The following PUS7L variants were observed in gnomAD, a reference collection of about 807,000 sequenced individuals.
PUS7L encodes the protein pseudouridylate synthase PUS7L.
A neutral mutation model predicts 51.1 loss-of-function variants in PUS7L; 49 were observed. The ratio of observed to expected loss-of-function variants is 0.96; its 90% CI spans 0.76 to 1.22. The LOEUF (loss-of-function observed/expected upper bound fraction) is 1.22, where lower values mean the gene tolerates loss of function less well. Among genes scored for constraint, PUS7L ranks in the 50% most tolerant of loss-of-function variants. The pLI is 0.00. For missense variants in PUS7L, 828 were observed against 820.6 expected, an observed-to-expected ratio of 1.01 and a Z score of -0.11; for synonymous variants, 277 against 276.2, an observed-to-expected ratio of 1.00 and a Z score of -0.03.
At chr12:43,746,013 C>T in intron 4 of PUS7L, 33 bp downstream of exon 4, 3 of 992,566 alleles carry the variant, frequency 3.0e-6, no homozygotes, top group Non-Finnish European at 4.6e-6. Context: ...ATGAAGATTT[C>T]CCTGGATGCC....
In PUS7L at chr12:43,719,982, T is replaced by C. The variant is rs1360470377; in HGVS notation, c.*10394A>G. ...TAAGTTATCCTTTCCTTCTTTCTTT[T>C]GATGTTCTACTTGATGTCATTTTCC... On this transcript the variant is annotated 3_prime_UTR_variant, in exon 9 of 9. Transcript: ENST00000344862. 3.3e-5 allele frequency: 5 copies of C among 152,190 alleles called. No homozygotes were observed. The highest frequency in any genetic ancestry group is 1.2e-4 in the African/African-American group (5 of 41,452). The allele number at this position is 152,190 out of a possible 1,614,324, so 9.4% of individuals were successfully genotyped here. A position where few individuals can be genotyped will look rare whatever the true frequency, so the allele number is the denominator to read the frequency against.
At chr12:43,747,500 C>T (rs1938225947) in intron 3 of PUS7L, among the ~76,000 whole-genome samples, 1 of 151,912 alleles carries the variant, frequency 6.6e-6, no homozygotes, top group African/African-American at 2.4e-5. Context: ...TCGAGACCAG[C>T]CTGGCCAACA....
chr12:43,722,782 T>C lies in PUS7L; in HGVS notation c.*7594A>G, dbSNP rs1944412439. ...ATCAGCTCAGATTAAAACCCTATTG[T>C]ACTGAAAAACTCAGAATCCTGACTT... On this transcript the variant is annotated 3_prime_UTR_variant, in exon 9 of 9. Coordinates refer to ENST00000344862, the MANE Select transcript of PUS7L (RefSeq NM_031292.5). The C allele has an allele frequency of 6.6e-6, 1 of 152,102 alleles. No homozygotes were observed. The highest frequency in any genetic ancestry group is 2.4e-5 in the African/African-American group (1 of 41,448). 9.4% of individuals were successfully genotyped at this position (152,102 alleles called of 1,614,324 possible). A position where few individuals can be genotyped will look rare whatever the true frequency, so the allele number is the denominator to read the frequency against.
chr12:43,730,601 C>T lies in PUS7L; in HGVS notation c.1881G>A (p.Arg627=). ...TCAGTTTCAGAGTAGGTACTTTAAA[C>T]CTACATGTCTGTAGTCCATCTCTGC... is the stretch of plus-strand genomic sequence containing the variant. ...ILSRDGLQTC[R]FKVPTLKLNI... is the part of the protein sequence containing the mutation. The change falls in exon 9 of 9, where the codon AGG becomes AGA. Residue 627 remains arginine (R), a synonymous_variant. Coordinates refer to ENST00000344862, the MANE Select transcript of PUS7L (RefSeq NM_031292.5). 1.2e-6 allele frequency: 2 copies of T among 1,613,588 alleles called. No individual in the cohort carries two copies. Among genetic ancestry groups the T allele is most frequent in the Non-Finnish European group, 1.7e-6 (2 of 1,179,636 alleles).
intron 8 of PUS7L, 49 bp downstream of exon 8, chr12:43,731,656 C>T (rs1250243326): frequency 9.5e-7 from 1 of 1,055,568 alleles, no homozygotes; most frequent in East Asian, 2.5e-5. Context: ...TTTTTGGGGA[C>T]AATGTCTACA....
At chr12:43,742,429 A>G (rs535768083) in intron 5 of PUS7L, 28 bp downstream of exon 5, 3 of 1,487,224 alleles carry the variant, frequency 2.0e-6, no homozygotes, top group Non-Finnish European at 1.9e-6. Flanking sequence ...ACAGAAACAG[A>G]TAAGATTACA....
intron 4 of PUS7L, among the ~76,000 whole-genome samples, chr12:43,745,318 C>T (rs1357634282): frequency 6.6e-6 from 1 of 152,090 alleles, no homozygotes; most frequent in African/African-American, 2.4e-5. Context: ...GGCTGTGTCC[C>T]CACCCAAATC....
At position 43,748,616 on chromosome 12, in the gene PUS7L, C is replaced by CA. The variant is rs750552126; in HGVS notation, c.911-8dup. The CA allele has an allele frequency of 0.011, 14,293 of 1,304,326 alleles. 2 individuals are homozygous for CA. The highest frequency in any genetic ancestry group is 0.024 in the South Asian group (1,587 of 66,576). 80.8% of individuals were successfully genotyped at this position (1,304,326 alleles called of 1,614,324 possible). On this transcript the variant is annotated splice_region_variant and splice_polypyrimidine_tract_variant and intron_variant, in intron 2 of 8. Coordinates refer to ENST00000344862, the MANE Select transcript of PUS7L (RefSeq NM_031292.5). The stretch of plus-strand genomic sequence containing the variant: ...TCCTTTCGTAGGGTAAAAGCTGAAA[C>CA]AAAAAAAAAACTTAGATCACAAAAA...
chr12:43,730,729 T>A (rs975581534), intron 8 of PUS7L, 27 bp from the exon 9 acceptor site: 6 of 1,451,026 alleles, frequency 4.1e-6, no homozygotes, highest in African/African-American at 1.4e-5. Context: ...GGAAAAAATA[T>A]GAAAATAGCC....
At chr12:43,752,687 CAT>C (rs1217484223) in intron 2 of PUS7L, among the ~76,000 whole-genome samples, 1 of 152,020 alleles carries the variant, frequency 6.6e-6, no homozygotes, top group African/African-American at 2.4e-5. Context: ...TTGTCTAATC[CAT>C]AGAGACAGAA....
Position 43,754,959 on chromosome 12 carries a change from T to C in PUS7L, c.287A>G (p.Asp96Gly). 6.2e-7 allele frequency: 1 copy of C among 1,613,856 alleles called. No homozygotes were observed. The highest frequency in any genetic ancestry group is 8.5e-7 in the Non-Finnish European group (1 of 1,179,822). The change falls in exon 2 of 9, where the codon GAT becomes GGT. Residue 96 changes from aspartate (D) to glycine (G), a missense_variant. By Grantham distance (94) the Asp-to-Gly change is moderately conservative. Coordinates refer to ENST00000344862, the MANE Select transcript of PUS7L (RefSeq NM_031292.5). ...ACCAGACTGATGATTTTGGTCACCA[T>C]CAGTGTACTTAATCAAAGTATGAAC... is the stretch of plus-strand genomic sequence containing the variant. ...QEVHTLIKYT[D>G]GDQNHQSGSE...
chr12:43,736,460 G>A lies in PUS7L; in HGVS notation c.1646C>T (p.Thr549Ile). Residue 549 changes from threonine to isoleucine, a missense_variant, in exon 7 of 9, where the codon ACC becomes ATC. By Grantham distance (89) the Thr-to-Ile change is moderately conservative (BLOSUM62 -1). Coordinates refer to ENST00000344862, the MANE Select transcript of PUS7L (RefSeq NM_031292.5). ...WNEAVSYRLETYGARVVQGDL... is the reference protein window; with the variant it reads ...WNEAVSYRLEIYGARVVQGDL... ...ACCCTGCACTACTCTTGCTCCATAG[G>A]TTTCAAGTCTGTAAGATACTGCCTC... 6.2e-7 allele frequency: 1 copy of A among 1,614,162 alleles called. No homozygotes were observed. Among genetic ancestry groups the A allele is most frequent in the East Asian group, 2.2e-5 (1 of 44,878 alleles).
intron 1 of PUS7L, chr12:43,758,330 GCAGTATTCCCATTCAA>G: frequency 1.0e-6 from 1 of 985,496 alleles, no homozygotes; most frequent in Non-Finnish European, 1.2e-6. Flanking sequence ...GCCTGAAGGT[GCAGTATTCCCATTCAA>G]CAGAGACTGC....
chr12:43,730,941 T>C (rs1307983136), intron 8 of PUS7L, among the ~76,000 whole-genome samples: 1 of 152,158 alleles, frequency 6.6e-6, no homozygotes, highest in African/African-American at 2.4e-5. Context: ...TCAAATCAGA[T>C]ATTATTAAAC....
intron 8 of PUS7L, 48 bp from the exon 9 acceptor site, chr12:43,730,750 T>TA (rs754951111): frequency 1.6e-6 from 2 of 1,230,164 alleles, no homozygotes; most frequent in Non-Finnish European, 1.2e-6. Context: ...TTCAAAAAGA[T>TA]ACATGATCAT....
intron 3 of PUS7L, among the ~76,000 whole-genome samples, 169 bp downstream of exon 3, chr12:43,748,281 C>T (rs73280426): frequency 0.015 from 2,330 of 151,724 alleles, 71 homozygotes; most frequent in African/African-American, 0.052. Context: ...TAAGGATCCA[C>T]GATAATAAAG....
At chr12:43,736,290 G>T in intron 7 of PUS7L, 91 bp downstream of exon 7, 3 of 1,045,124 alleles carry the variant, frequency 2.9e-6, no homozygotes, top group Non-Finnish European at 4.2e-6. Context: ...TTACATGTAT[G>T]TTTAAAGTGT....
intron 1 of PUS7L, among the ~76,000 whole-genome samples, 166 bp from the exon 2 acceptor site, chr12:43,755,427 C>T (rs1478844352): frequency 6.6e-6 from 1 of 152,158 alleles, no homozygotes; most frequent in East Asian, 1.9e-4. Flanking sequence ...TTCCTGTGTA[C>T]TTTGACTCTC....
Position 43,724,984 on chromosome 12 carries a change from A to T in PUS7L, c.*5392T>A, listed in dbSNP as rs1282842343. Reference sequence around the variant, plus strand: ...CTATTACATTCTAGCTACATATTATATTGTTGACTGCTGATGTTTCTGAGC... The same window carrying T: ...CTATTACATTCTAGCTACATATTATTTTGTTGACTGCTGATGTTTCTGAGC... On this transcript the variant is annotated 3_prime_UTR_variant, in exon 9 of 9. Coordinates refer to ENST00000344862, the MANE Select transcript of PUS7L (RefSeq NM_031292.5). 3 of 152,184 alleles carry T rather than the reference A, an allele frequency of 2.0e-5. No individual in the cohort carries two copies. Among genetic ancestry groups the T allele is most frequent in the African/African-American group, 7.2e-5 (3 of 41,454 alleles). The allele number at this position is 152,184 out of a possible 1,614,324, so 9.4% of individuals were successfully genotyped here.
Sources: allele counts gnomAD v4.1 joint callset (sites outside exome capture counted in the v4.1 genomes callset), GRCh38; gene constraint gnomAD v4.1.1; transcripts MANE v1.5; gene names NCBI Gene and HGNC (gene_info 2026-07-23, HGNC 2026-07-21).